Variants in TLE3 observed in about 807,000 individuals in gnomAD.
The protein encoded by TLE3 is TLE family member 3, transcriptional corepressor.
A neutral mutation model predicts 93.0 loss-of-function variants in TLE3; 14 were observed. The ratio of observed to expected loss-of-function variants is 0.15; its 90% CI spans 0.10 to 0.24. The LOEUF (loss-of-function observed/expected upper bound fraction) is 0.24, where lower values mean the gene tolerates loss of function less well. TLE3 is among the 10% of genes least tolerant of loss of function. The probability of loss-of-function intolerance (pLI) is 1.00; values close to 1 mark genes in which losing one functional copy is unlikely to be tolerated. For synonymous variants in TLE3, 451 were observed against 425.0 expected (o/e 1.06, Z -0.75); for missense variants, 693 against 1,046.6 (o/e 0.66, Z 4.66).
At position 70,064,440 on chromosome 15, in the gene TLE3, G is replaced by A. The variant is rs1207653079; in HGVS notation, c.594+14C>T. 3 of 1,613,696 alleles carry A rather than the reference G, an allele frequency of 1.9e-6. No homozygotes were observed. Among genetic ancestry groups the A allele is most frequent in the African/African-American group, 1.3e-5 (1 of 74,912 alleles). ...CCCAAACACCCCTCCGGGTTCCAGA[G>A]TGCCAACACTTACCGCACTGGATTC... is the stretch of plus-strand genomic sequence containing the variant. On this transcript the variant is annotated intron_variant, in intron 8 of 19. Transcript: ENST00000451782.
chr15:70,051,088 G>A (rs1890517298), intron 19 of TLE3: 2 of 227,182 alleles, frequency 8.8e-6, no homozygotes, highest in Middle Eastern at 1.5e-3. Context: ...ATCCAGCCCA[G>A]AGCAAAAACA....
At chr15:70,090,493 C>T (rs1490177974) in intron 4 of TLE3, among the ~76,000 whole-genome samples, 1 of 152,178 alleles carries the variant, frequency 6.6e-6, no homozygotes. Context: ...ACCTCATTGC[C>T]TGGTAGCTCC....
chr15:70,071,999 T>A (rs1211682834), intron 6 of TLE3, among the ~76,000 whole-genome samples: 2 of 152,222 alleles, frequency 1.3e-5, no homozygotes, highest in Non-Finnish European at 2.9e-5. Flanking sequence ...GGCTCCCCAG[T>A]GCGAGCACGA....
chr15:70,056,347 G>T lies in TLE3; in HGVS notation c.1279C>A (p.Arg427=). The change falls in exon 14 of 20, where the codon CGG becomes AGG. Residue 427 remains arginine, a synonymous_variant. Transcript: ENST00000451782. The part of the protein sequence containing the change: ...AVGFDPHPPM[R]ATGLPSSLAS... ...AGGCTTGAGGGGAGGCCTGTGGCCC[G>T]CATCGGGGGGTGAGGGTCAAAACCA... The T allele has an allele frequency of 6.2e-7, 1 of 1,613,442 alleles. No individual in the cohort carries two copies. Among genetic ancestry groups the T allele is most frequent in the Non-Finnish European group, 8.5e-7 (1 of 1,179,828 alleles).
intron 5 of TLE3, among the ~76,000 whole-genome samples, chr15:70,075,762 C>G (rs2057411395): frequency 6.6e-6 from 1 of 152,222 alleles, no homozygotes; most frequent in Non-Finnish European, 1.5e-5. Context: ...GAACTGAGGT[C>G]CACTTTGGGC....
At chr15:70,093,025 C>T (rs973162625) in intron 4 of TLE3, among the ~76,000 whole-genome samples, 7 of 152,204 alleles carry the variant, frequency 4.6e-5, no homozygotes, top group African/African-American at 1.7e-4. Context: ...GTCCTTGAAA[C>T]ACCTGGGCCC....
intron 4 of TLE3, among the ~76,000 whole-genome samples, chr15:70,088,940 T>G (rs1198470674): frequency 7.1e-6 from 1 of 141,710 alleles, no homozygotes; most frequent in African/African-American, 2.6e-5. Flanking sequence ...GAGCCAGCCA[T>G]GCAGGGATGC....
chr15:70,055,367 C>G (rs1190306432), intron 14 of TLE3, 69 bp from the exon 15 acceptor site: 2 of 1,520,044 alleles, frequency 1.3e-6, no homozygotes, highest in African/African-American at 2.8e-5. Context: ...AGGCCTGGCC[C>G]AGGTCATCTG....
In TLE3 at chr15:70,055,030, G is replaced by A. The variant is rs1350572229; in HGVS notation, c.1578+19C>T. ...TCCTACACCAGCTGGAGGCGGCGCA[G>A]CAGCCCTGGGATTCTCACCAGGCAG... On this transcript the variant is annotated intron_variant, in intron 15 of 19. Transcript: ENST00000451782. 1.3e-6 allele frequency: 2 copies of A among 1,587,262 alleles called. No homozygotes were observed. Among genetic ancestry groups the A allele is most frequent in the Non-Finnish European group, 1.7e-6 (2 of 1,166,844 alleles).
rs547333996 is a variant in TLE3 at position 70,054,563 on chromosome 15, G to A, written c.1701C>T (p.Ala567=). ...DLASPTPRIK[A]ELTSSAPACY... ...AGGCGGGAGCCGAGGACGTCAGCTC[G>A]GCCTTGATGCGGGGCGTGGGCGAGG... Residue 567 remains alanine, a synonymous_variant, in exon 16 of 20, where the codon GCC becomes GCT. Coordinates refer to ENST00000451782, the MANE Select transcript of TLE3 (RefSeq NM_001105192.3). 14 of 1,613,956 alleles carry A rather than the reference G, an allele frequency of 8.7e-6. No homozygotes were observed. Among genetic ancestry groups the A allele is most frequent in the East Asian group, 4.5e-5 (2 of 44,878 alleles).
intron 14 of TLE3, chr15:70,055,567 T>C: frequency 2.6e-6 from 1 of 380,752 alleles, no homozygotes; most frequent in Non-Finnish European, 4.6e-6. Context: ...TGGAATGCCC[T>C]TTCCCACGAT....
At chr15:70,064,397 T>C in intron 8 of TLE3, 57 bp downstream of exon 8, 1 of 1,607,646 alleles carries the variant, frequency 6.2e-7, no homozygotes, top group Non-Finnish European at 8.5e-7. Flanking sequence ...GAGCCCCGAG[T>C]CCCACCTCCT....
chr15:70,063,239 C>T (rs2056606053), intron 8 of TLE3, among the ~76,000 whole-genome samples: 1 of 152,244 alleles, frequency 6.6e-6, no homozygotes, highest in Non-Finnish European at 1.5e-5. Flanking sequence ...GGGACCAGAC[C>T]TCAGCCTTAA....
In TLE3 at chr15:70,064,443, C is replaced by G; in HGVS notation, c.594+11G>C. 6.2e-7 allele frequency: 1 copy of G among 1,613,866 alleles called. No individual in the cohort carries two copies. Among genetic ancestry groups the G allele is most frequent in the Non-Finnish European group, 8.5e-7 (1 of 1,179,820 alleles). ...AAACACCCCTCCGGGTTCCAGAGTG[C>G]CAACACTTACCGCACTGGATTCTCT... On this transcript the variant is annotated intron_variant, in intron 8 of 19. Transcript: ENST00000451782.
chr15:70,055,934 G>A lies in TLE3; in HGVS notation c.1328+364C>T, dbSNP rs144733156. ...GCACTGCTGACAGGGAAGGGCCTGC[G>A]ACCAGCGGCACTGGGGCCTTCCCAG... On this transcript the variant is annotated intron_variant, in intron 14 of 19. Transcript: ENST00000451782. The A allele has an allele frequency of 1.1e-3, 415 of 378,158 alleles. 2 individuals are homozygous for A. The East Asian group carries it at 0.02, about 18-fold the overall frequency. The allele number at this position is 378,158 out of a possible 1,614,324, so 23.4% of individuals were successfully genotyped here. A position where few individuals can be genotyped will look rare whatever the true frequency, so the allele number is the denominator to read the frequency against.
intron 8 of TLE3, among the ~76,000 whole-genome samples, chr15:70,062,063 A>G (rs1232016193): frequency 6.6e-6 from 1 of 152,236 alleles, no homozygotes. Context: ...AACCAGCCTC[A>G]GAACTTAATT....
At chr15:70,061,576 G>A (rs1228275299) in intron 8 of TLE3, among the ~76,000 whole-genome samples, 2 of 152,176 alleles carry the variant, frequency 1.3e-5, no homozygotes, top group African/African-American at 4.8e-5. Context: ...GAGCTGGGGA[G>A]CAGGGAGGGA....
At chr15:70,077,772 G>A (rs1229750593) in intron 4 of TLE3, among the ~76,000 whole-genome samples, 1 of 152,204 alleles carries the variant, frequency 6.6e-6, no homozygotes, top group East Asian at 1.9e-4. Flanking sequence ...TAGCTCCTCA[G>A]GAACAGAGTC....
chr15:70,050,123 C>T lies in TLE3; in HGVS notation c.2284G>A (p.Ala762Thr). ...YIVTGSGDKK[A>T]TVYEVIY ...TAGTAGATGACCTCATAAACTGTGG[C>T]CTTCTTGTCACCAGAGCCTGTTACA... The change falls in exon 20 of 20, where the codon GCC becomes ACC. Residue 762 changes from alanine to threonine, a missense_variant. Physicochemically the swap from Ala to Thr is moderately conservative, Grantham distance 58 (BLOSUM62 0). This residue lies in a region of TLE3 where 153 missense variants were observed against 379.9 expected (regional missense o/e 0.40). Coordinates refer to ENST00000451782, the MANE Select transcript of TLE3 (RefSeq NM_001105192.3). 1.9e-6 allele frequency: 3 copies of T among 1,614,086 alleles called. No individual in the cohort carries two copies. Among genetic ancestry groups the T allele is most frequent in the Non-Finnish European group, 1.7e-6 (2 of 1,179,936 alleles).
Sources: gnomAD v4.1 joint callset for allele counts (sites outside exome capture counted in the v4.1 genomes callset) on GRCh38, gnomAD v4.1.1 for gene constraint, gnomAD v4.1.1 regional missense constraint, MANE v1.5 for transcripts, NCBI Gene and HGNC (gene_info 2026-07-23, HGNC 2026-07-21) for gene names.